Variants in PPM1H observed in about 807,000 individuals in gnomAD.
The protein encoded by PPM1H is protein phosphatase, Mg2+/Mn2+ dependent 1H.
Under a neutral mutation model 54.9 loss-of-function variants are expected in PPM1H, and 27 were observed. That is an observed-to-expected ratio of 0.49 (90% CI 0.36 to 0.68). The LOEUF is 0.68. Among genes scored for constraint, PPM1H ranks in the 30% least tolerant of loss-of-function variants. The probability of loss-of-function intolerance (pLI) is 0.00; values close to 1 mark genes in which losing one functional copy is unlikely to be tolerated. For missense variants in PPM1H, 596 were observed against 667.8 expected, an observed-to-expected ratio of 0.89 and a Z score of 1.19; for synonymous variants, 305 against 270.8, an observed-to-expected ratio of 1.13 and a Z score of -1.24.
At chr12:62,814,160 G>C (rs1194087385) in intron 2 of PPM1H, among the ~76,000 whole-genome samples, 1 of 152,122 alleles carries the variant, frequency 6.6e-6, no homozygotes, top group African/African-American at 2.4e-5. Context: ...GTTCACTGCA[G>C]CCTCAGTCTC....
chr12:62,650,272 G>T lies in PPM1H; in HGVS notation c.1398-1636C>A, dbSNP rs560774174. ...AGTGTAACATACACTACAGCAGAAAGGATATTATAGTCAATACAAAATAAA... is the reference window on the plus strand; with the variant it reads ...AGTGTAACATACACTACAGCAGAAATGATATTATAGTCAATACAAAATAAA... On this transcript the variant is annotated intron_variant, in intron 9 of 9. Transcript: ENST00000228705. Among the ~76,000 whole-genome samples the T allele has an allele frequency of 3.9e-5, 6 of 152,276 alleles. No individual in the cohort carries two copies. In the South Asian group the frequency reaches 1.2e-3, roughly 32 times the overall value.
chr12:62,912,473 G>A (rs1871490636), intron 1 of PPM1H, among the ~76,000 whole-genome samples: 4 of 152,148 alleles, frequency 2.6e-5, no homozygotes, highest in Admixed American at 6.5e-5. Flanking sequence ...GGAATAGGAG[G>A]GGAAGAGCAG....
chr12:62,808,027 G>A (rs2120768466), intron 2 of PPM1H, among the ~76,000 whole-genome samples: 1 of 152,286 alleles, frequency 6.6e-6, no homozygotes, highest in Admixed American at 6.5e-5. Context: ...TCAGAGAGAT[G>A]AGGTTTTGCT....
intron 2 of PPM1H, among the ~76,000 whole-genome samples, chr12:62,816,713 A>G (rs975296536): frequency 2.0e-5 from 3 of 151,980 alleles, no homozygotes; most frequent in Non-Finnish European, 2.9e-5. Flanking sequence ...ACGAGTGCTG[A>G]GTATTATTTA....
At chr12:62,763,577 T>A (rs1443775734) in intron 4 of PPM1H, among the ~76,000 whole-genome samples, 3 of 152,256 alleles carry the variant, frequency 2.0e-5, no homozygotes, top group Non-Finnish European at 4.4e-5. Flanking sequence ...TCCTCAGCTC[T>A]TCCTTACTTG....
chr12:62,884,501 C>A (rs76173916), intron 1 of PPM1H, among the ~76,000 whole-genome samples: 219 of 89,742 alleles, frequency 2.4e-3, no homozygotes, highest in Middle Eastern at 5.7e-3. Context: ...AACTCCATAT[C>A]AAAAAAAAAA....
At chr12:62,837,788 C>T (rs2120877786) in intron 1 of PPM1H, among the ~76,000 whole-genome samples, 1 of 152,348 alleles carries the variant, frequency 6.6e-6, no homozygotes, top group African/African-American at 2.4e-5. Context: ...GCTGCCTCTT[C>T]TGTCAGGACC....
intron 1 of PPM1H, among the ~76,000 whole-genome samples, chr12:62,863,221 G>T (rs1565813069): frequency 6.6e-6 from 1 of 151,846 alleles, no homozygotes; most frequent in Non-Finnish European, 1.5e-5. Flanking sequence ...AGAGATGGGG[G>T]TCTCACCATG....
In PPM1H at chr12:62,848,251, A is replaced by G. The variant is rs117881654; in HGVS notation, c.246-15972T>C. On this transcript the variant is annotated intron_variant, in intron 1 of 9. Transcript: ENST00000228705. The stretch of plus-strand genomic sequence containing the variant: ...TCCTACATTTTCAAAATAGCTCCTA[A>G]CTCATTAATTTATTCCAAAAATAAC... 8.0e-3 allele frequency among the ~76,000 whole-genome samples: 1,226 copies of G among 152,316 alleles called. 7 individuals carry two copies. Among genetic ancestry groups the G allele is most frequent in the African/African-American group, 0.015 (629 of 41,568 alleles).
At chr12:62,914,364 T>C (rs74554579) in intron 1 of PPM1H, among the ~76,000 whole-genome samples, 1,733 of 152,348 alleles carry the variant, frequency 0.011, 31 homozygotes, top group African/African-American at 0.04. Flanking sequence ...ATAAATGTTT[T>C]TTCTTTAGAA....
chr12:62,822,930 CT>C, intron 2 of PPM1H, among the ~76,000 whole-genome samples: 1 of 152,178 alleles, frequency 6.6e-6, no homozygotes, highest in East Asian at 1.9e-4. Flanking sequence ...ACAAAAAACC[CT>C]TCAAAAAAAT....
chr12:62,658,180 GAA>G (rs1262612306), intron 9 of PPM1H, among the ~76,000 whole-genome samples: 3 of 86,870 alleles, frequency 3.5e-5, no homozygotes, highest in Admixed American at 1.1e-4. Context: ...GTAACACGGT[GAA>G]TTTTTTTTTT....
chr12:62,656,612 G>A (rs1486692797), intron 9 of PPM1H, among the ~76,000 whole-genome samples: 1 of 152,152 alleles, frequency 6.6e-6, no homozygotes, highest in Non-Finnish European at 1.5e-5. Flanking sequence ...CATTTGGATG[G>A]TACAGACAGG....
chr12:62,834,002 TATC>T (rs1477034770), intron 1 of PPM1H, among the ~76,000 whole-genome samples: 2 of 152,204 alleles, frequency 1.3e-5, no homozygotes, highest in Non-Finnish European at 2.9e-5. Context: ...CAAATTTCTG[TATC>T]AATAAAAAGG....
chr12:62,877,183 T>A (rs927480985), intron 1 of PPM1H, among the ~76,000 whole-genome samples: 1 of 152,216 alleles, frequency 6.6e-6, no homozygotes, highest in African/African-American at 2.4e-5. Flanking sequence ...TCTTTAAAAA[T>A]CTTGGCAGTA....
chr12:62,924,879 C>G (rs978475518), intron 1 of PPM1H, among the ~76,000 whole-genome samples: 3 of 151,646 alleles, frequency 2.0e-5, no homozygotes, highest in African/African-American at 7.3e-5. Context: ...CCATCTCTAC[C>G]AAAAATACAA....
At chr12:62,764,933 G>T (rs948752005) in intron 4 of PPM1H, among the ~76,000 whole-genome samples, 1 of 152,258 alleles carries the variant, frequency 6.6e-6, no homozygotes, top group African/African-American at 2.4e-5. Context: ...ACAAAGCCAT[G>T]CGTGCCGCTT....
chr12:62,732,696 C>G (rs1028440834), intron 5 of PPM1H, among the ~76,000 whole-genome samples: 1 of 151,512 alleles, frequency 6.6e-6, no homozygotes, highest in Non-Finnish European at 1.5e-5. Context: ...CTCAGCCTCC[C>G]GAGTAGCTGG....
chr12:62,846,116 C>T (rs544759184), intron 1 of PPM1H, among the ~76,000 whole-genome samples: 2 of 152,292 alleles, frequency 1.3e-5, no homozygotes, highest in African/African-American at 2.4e-5. Flanking sequence ...CACAGCAGGC[C>T]CGGACTGACC....
Sources: allele counts gnomAD v4.1 joint callset (sites outside exome capture counted in the v4.1 genomes callset), GRCh38; gene constraint gnomAD v4.1.1; transcripts MANE v1.5; gene names NCBI Gene and HGNC (gene_info 2026-07-23, HGNC 2026-07-21).